The following FHIT variants were observed in gnomAD, a reference collection of about 807,000 sequenced individuals.
The protein encoded by FHIT is fragile histidine triad diadenosine triphosphatase.
FHIT carries 19 observed loss-of-function variants against 17.9 expected under a neutral mutation model. That is an observed-to-expected ratio of 1.06 (90% confidence interval 0.74 to 1.56). FHIT has a LOEUF of 1.56. FHIT is among the 40% of genes most tolerant of loss of function. The pLI is 0.00. For synonymous variants in FHIT, 81 were observed against 69.7 expected (o/e 1.16, Z -0.81); for missense variants, 248 against 189.2 (o/e 1.31, Z -1.82).
chr3:61,079,414 A>AGT (rs2035065608), intron 2 of FHIT, among the ~76,000 whole-genome samples: 1 of 152,130 alleles, frequency 6.6e-6, no homozygotes, highest in Non-Finnish European at 1.5e-5. Flanking sequence ...TTTACCTGCC[A>AGT]TAATATGGAA....
chr3:60,037,754 C>G (rs372051264), intron 5 of FHIT, among the ~76,000 whole-genome samples: 1 of 151,228 alleles, frequency 6.6e-6, no homozygotes, highest in East Asian at 1.9e-4. Flanking sequence ...TGCTCTGTCA[C>G]CCAGGCTGGA....
intron 5 of FHIT, among the ~76,000 whole-genome samples, chr3:60,113,854 T>C: frequency 6.7e-6 from 1 of 148,188 alleles, no homozygotes; most frequent in Non-Finnish European, 1.5e-5. Flanking sequence ...ACAAAAAAAT[T>C]AGCTGGGCGT....
At chr3:61,246,705 G>A (rs1431404065) in intron 1 of FHIT, among the ~76,000 whole-genome samples, 1 of 151,666 alleles carries the variant, frequency 6.6e-6, no homozygotes, top group South Asian at 2.1e-4. Context: ...TGGGGTAGAG[G>A]GGGAAGGGGA....
intron 5 of FHIT, among the ~76,000 whole-genome samples, chr3:60,165,842 C>T (rs974862396): frequency 6.6e-5 from 10 of 152,020 alleles, no homozygotes; most frequent in African/African-American, 1.9e-4. Context: ...GAGGTGTCCT[C>T]GGTGAACAAT....
At chr3:60,129,699 C>T (rs1447329704) in intron 5 of FHIT, among the ~76,000 whole-genome samples, 1 of 151,860 alleles carries the variant, frequency 6.6e-6, no homozygotes, top group East Asian at 1.9e-4. Context: ...TTTTCTCATC[C>T]CAAATATAAA....
At chr3:61,151,780 C>G (rs1325650081) in intron 2 of FHIT, among the ~76,000 whole-genome samples, 1 of 151,944 alleles carries the variant, frequency 6.6e-6, no homozygotes, top group Non-Finnish European at 1.5e-5. Flanking sequence ...GTTGGCCAGG[C>G]TGGTCTCGAG....
At chr3:60,466,542 G>A (rs410775) in intron 5 of FHIT, among the ~76,000 whole-genome samples, 45,256 of 151,694 alleles carry the variant, frequency 0.3, 7,328 homozygotes, top group East Asian at 0.53. Context: ...GTCAAGGTAT[G>A]TTCCTTCTAT....
chr3:60,387,090 C>T (rs999875108), intron 5 of FHIT, among the ~76,000 whole-genome samples: 20 of 148,010 alleles, frequency 1.4e-4, no homozygotes, highest in African/African-American at 3.5e-4. Flanking sequence ...CAGGTTCAAG[C>T]GATTCTCCTG....
intron 5 of FHIT, among the ~76,000 whole-genome samples, chr3:60,213,384 G>A (rs1475132676): frequency 3.9e-5 from 6 of 152,080 alleles, no homozygotes; most frequent in South Asian, 2.1e-4. Flanking sequence ...AGATTTCACC[G>A]AAGCAATCTT....
chr3:60,056,083 G>C (rs926817510), intron 5 of FHIT, among the ~76,000 whole-genome samples: 1 of 152,220 alleles, frequency 6.6e-6, no homozygotes, highest in Non-Finnish European at 1.5e-5. Flanking sequence ...AGGTATCTGA[G>C]AGCACAGCTC....
intron 3 of FHIT, among the ~76,000 whole-genome samples, chr3:60,910,521 T>C (rs1044043024): frequency 1.3e-5 from 2 of 151,776 alleles, no homozygotes; most frequent in Non-Finnish European, 2.9e-5. Flanking sequence ...ATGCCATTCT[T>C]CTGCCTCAGC....
chr3:60,448,492 T>C (rs371173081), intron 5 of FHIT, among the ~76,000 whole-genome samples: 4 of 152,330 alleles, frequency 2.6e-5, no homozygotes, highest in African/African-American at 7.2e-5. Flanking sequence ...TCTGCTCATC[T>C]TCACAGTAAC....
intron 4 of FHIT, among the ~76,000 whole-genome samples, chr3:60,744,659 T>C (rs900258386): frequency 6.6e-6 from 1 of 152,200 alleles, no homozygotes; most frequent in Non-Finnish European, 1.5e-5. Flanking sequence ...AAGTCTTGCC[T>C]GACCCAATAC....
intron 7 of FHIT, among the ~76,000 whole-genome samples, chr3:59,979,079 A>G (rs2736794): frequency 0.28 from 42,432 of 151,966 alleles, 6,131 homozygotes; most frequent in East Asian, 0.39. Context: ...TCTTTCTGAC[A>G]TTGTGTTGGT....
chr3:60,467,667 A>T (rs430815), intron 5 of FHIT, among the ~76,000 whole-genome samples: 14 of 151,930 alleles, frequency 9.2e-5, no homozygotes, highest in African/African-American at 3.4e-4. Context: ...ATTTTATTCC[A>T]TGGTGGTCAG....
intron 5 of FHIT, among the ~76,000 whole-genome samples, chr3:60,506,086 G>C (rs540237119): frequency 4.6e-5 from 7 of 152,232 alleles, no homozygotes; most frequent in African/African-American, 1.7e-4. Flanking sequence ...AAAGCCATGA[G>C]TAAAATGTGA....
intron 2 of FHIT, among the ~76,000 whole-genome samples, chr3:61,163,940 T>C (rs990053570): frequency 6.6e-6 from 1 of 152,190 alleles, no homozygotes; most frequent in Non-Finnish European, 1.5e-5. Context: ...GAAAAATATT[T>C]TCTTCTCCCT....
intron 5 of FHIT, among the ~76,000 whole-genome samples, chr3:60,269,017 G>C (rs1706730070): frequency 6.6e-6 from 1 of 152,256 alleles, no homozygotes; most frequent in African/African-American, 2.4e-5. Flanking sequence ...TTCTCTACTA[G>C]AGCTTCCAGA....
rs971375926 is a variant in FHIT, at chr3:60,458,373, T to A, written c.103+78487A>T. Among the ~76,000 whole-genome samples the A allele has an allele frequency of 2.7e-5, 4 of 148,250 alleles. No homozygotes were observed. In the South Asian group the frequency reaches 8.6e-4, roughly 32 times the overall value. On this transcript the variant is annotated intron_variant, in intron 5 of 9. Coordinates refer to ENST00000492590, the MANE Select transcript of FHIT (RefSeq NM_002012.4). ...GCATGTTCTCACTCATAGGTGGGAA[T>A]TGAACTATGAGAACACATTGACACA...
Sources: gnomAD v4.1 joint callset for allele counts (sites outside exome capture counted in the v4.1 genomes callset) on GRCh38, gnomAD v4.1.1 for gene constraint, MANE v1.5 for transcripts, NCBI Gene and HGNC (gene_info 2026-07-23, HGNC 2026-07-21) for gene names.